The following LPIN1 variants were observed in gnomAD, a reference collection of about 807,000 sequenced individuals.
LPIN1 encodes the protein lipin 1, also known as phosphatidate phosphatase LPIN1.
LPIN1 carries 71 observed loss-of-function variants against 107.5 expected under a neutral mutation model. The observed-to-expected ratio is 0.66, with a 90% CI of 0.55 to 0.80. The LOEUF (loss-of-function observed/expected upper bound fraction) is 0.80, where lower values mean the gene tolerates loss of function less well. LPIN1 is among the 30% of genes least tolerant of loss of function. The pLI is 0.00. For missense variants in LPIN1, 1,043 were observed against 1,160.6 expected (o/e 0.90, Z 1.47); for synonymous variants, 445 against 452.6 (o/e 0.98, Z 0.21).
At chr2:11,809,162 G>T (rs1406080471) in intron 17 of LPIN1, among the ~76,000 whole-genome samples, 3 of 146,816 alleles carry the variant, frequency 2.0e-5, no homozygotes, top group African/African-American at 8.2e-5. Context: ...AGTCAAGAAG[G>T]ACTGTTGCCT....
chr2:11,771,440 G>A lies in LPIN1; in HGVS notation c.357G>A (p.Gln119=). The change falls in exon 4 of 21, where the codon CAG becomes CAA. Residue 119 remains glutamine, a synonymous_variant. Coordinates refer to ENST00000674199, the MANE Select transcript of LPIN1 (RefSeq NM_001349206.2). The surrounding 1 kb of genome is among the most constrained non-coding windows in gnomAD (Gnocchi z 4.8). ...AAGGAGCTTCGAGAATGGAATGCCA[G>A]CTGAAAAGGGGCTCTGTGGACAGGA... is the stretch of plus-strand genomic sequence containing the variant. The part of the protein sequence containing the change: ...LSEGASRMEC[Q]LKRGSVDRMR... 1.2e-6 allele frequency: 2 copies of A among 1,614,242 alleles called. No individual in the cohort carries two copies. The highest frequency in any genetic ancestry group is 1.7e-6 in the Non-Finnish European group (2 of 1,180,038).
At chr2:11,814,753 GA>G (rs1297309523) in intron 17 of LPIN1, among the ~76,000 whole-genome samples, 1 of 152,120 alleles carries the variant, frequency 6.6e-6, no homozygotes, top group Admixed American at 6.5e-5. Flanking sequence ...GGACCAGGGG[GA>G]GTACAAGGGG....
chr2:11,814,511 CATGT>C (rs745419981), intron 17 of LPIN1, among the ~76,000 whole-genome samples: 23 of 94,934 alleles, frequency 2.4e-4, no homozygotes, highest in East Asian at 7.4e-4. Context: ...GGTGTGTGTG[CATGT>C]GTGTGTGTGT....
At chr2:11,687,459 T>G (rs1013436919) in intron 1 of LPIN1, among the ~76,000 whole-genome samples, 4 of 151,738 alleles carry the variant, frequency 2.6e-5, no homozygotes, top group Admixed American at 6.5e-5. Context: ...GGATGTGATA[T>G]CTCCTATAGC....
At chr2:11,696,404 A>G (rs1662580852) in intron 1 of LPIN1, among the ~76,000 whole-genome samples, 1 of 152,086 alleles carries the variant, frequency 6.6e-6, no homozygotes, top group East Asian at 1.9e-4. Flanking sequence ...TTCTCCTGAA[A>G]TACTGGGTCA....
intron 2 of LPIN1, among the ~76,000 whole-genome samples, chr2:11,714,766 CTT>C (rs1458686610): frequency 2.0e-5 from 3 of 152,210 alleles, no homozygotes; most frequent in African/African-American, 4.8e-5. Flanking sequence ...TGGTCCAAGC[CTT>C]GTGGCTACGG....
intron 20 of LPIN1, 120 bp from the exon 21 acceptor site, chr2:11,824,512 C>A: frequency 1.1e-6 from 1 of 879,990 alleles, no homozygotes. Flanking sequence ...TGACTTGAGT[C>A]GTGTCGATAA....
chr2:11,747,120 G>T (rs1193358548), intron 1 of LPIN1, among the ~76,000 whole-genome samples: 1 of 152,238 alleles, frequency 6.6e-6, no homozygotes, highest in Non-Finnish European at 1.5e-5. Flanking sequence ...CCGGAGTTAG[G>T]ATTCCAGCGC....
intron 1 of LPIN1, among the ~76,000 whole-genome samples, chr2:11,752,391 T>C (rs898958033): frequency 5.3e-5 from 8 of 151,648 alleles, no homozygotes; most frequent in Admixed American, 5.2e-4. Flanking sequence ...GTGAACTGTC[T>C]ATATGTTTTG....
intron 1 of LPIN1, among the ~76,000 whole-genome samples, chr2:11,713,358 C>A (rs1663527450): frequency 6.6e-6 from 1 of 152,186 alleles, no homozygotes. Flanking sequence ...GCAACCTCCG[C>A]CCCCAGGGTT....
chr2:11,784,319 A>G (rs1674100976), intron 9 of LPIN1: 2 of 742,814 alleles, frequency 2.7e-6, no homozygotes, highest in Non-Finnish European at 3.5e-6. Flanking sequence ...AAAAAAAAAA[A>G]AAAAAGTGTG....
At chr2:11,725,495 G>A (rs1664544488) in intron 1 of LPIN1, among the ~76,000 whole-genome samples, 2 of 152,166 alleles carry the variant, frequency 1.3e-5, no homozygotes, top group Admixed American at 1.3e-4. Context: ...AGCATGGTTG[G>A]AAGTAGGCGA....
At chr2:11,799,034 T>C (rs1677218018) in intron 14 of LPIN1, among the ~76,000 whole-genome samples, 1 of 152,214 alleles carries the variant, frequency 6.6e-6, no homozygotes, top group African/African-American at 2.4e-5. Flanking sequence ...CAACATTTAA[T>C]GAGCCATTGT....
At chr2:11,758,867 GCTTA>G (rs1343421856) in intron 1 of LPIN1, among the ~76,000 whole-genome samples, 4 of 152,182 alleles carry the variant, frequency 2.6e-5, no homozygotes, top group African/African-American at 9.7e-5. Flanking sequence ...CTGTTTCTGG[GCTTA>G]CTTTTAAAAA....
rs201897285 is a variant in LPIN1, at chr2:11,759,133, TTTTCTTTCTTTCTTTCTTTC to T, written c.-9-6360_-9-6341del. Among the ~76,000 whole-genome samples, 572 of 131,634 alleles carry T rather than the reference TTTTCTTTCTTTCTTTCTTTC, an allele frequency of 4.3e-3. 2 individuals carry two copies. The highest frequency in any genetic ancestry group is 0.015 in the Middle Eastern group (4 of 270). The allele number at this position is 131,634 out of a possible 152,430, so 86.4% of individuals were successfully genotyped here. On this transcript the variant is annotated intron_variant, in intron 1 of 20. Transcript: ENST00000674199. The stretch of plus-strand genomic sequence containing the variant: ...TGAGCTAGCTAGCTTGCTTTCTTTC[TTTTCTTTCTTTCTTTCTTTC>T]TTTCTTTCTTTCTTTCTTTCTTTCT...
chr2:11,789,453 TATGTGTGGATGTGCACGTGTGTGC>T lies in LPIN1; in HGVS notation c.1713+1022_1713+1045del, dbSNP rs1217317111. Reference sequence around the variant, plus strand: ...GTGCGTGTGTGTATGTGCATGTGTATATGTGTGGATGTGCACGTGTGTGCATGTGTGGATGTGCACGTGTGTGCG... The same window carrying T: ...GTGCGTGTGTGTATGTGCATGTGTATATGTGTGGATGTGCACGTGTGTGCG... On this transcript the variant is annotated intron_variant, in intron 12 of 20. Coordinates refer to ENST00000674199, the MANE Select transcript of LPIN1 (RefSeq NM_001349206.2). Among the ~76,000 whole-genome samples, 32 of 151,634 alleles carry T rather than the reference TATGTGTGGATGTGCACGTGTGTGC, an allele frequency of 2.1e-4. 1 individual carries two copies. Among genetic ancestry groups the T allele is most frequent in the East Asian group, 1.7e-3 (9 of 5,164 alleles).
chr2:11,772,008 G>C (rs909023200), intron 4 of LPIN1, among the ~76,000 whole-genome samples: 5 of 152,194 alleles, frequency 3.3e-5, no homozygotes, highest in Non-Finnish European at 5.9e-5. Context: ...CCTGCAACTA[G>C]ACGGTCCCAT....
At chr2:11,797,622 G>A (rs530682305) in intron 14 of LPIN1, among the ~76,000 whole-genome samples, 2 of 152,310 alleles carry the variant, frequency 1.3e-5, no homozygotes, top group African/African-American at 4.8e-5. Flanking sequence ...GGGGCTTGTA[G>A]CCCCTTCGTT....
intron 1 of LPIN1, among the ~76,000 whole-genome samples, chr2:11,727,110 A>C (rs1664743441): frequency 6.6e-6 from 1 of 152,134 alleles, no homozygotes; most frequent in Admixed American, 6.5e-5. Context: ...GACTATGTTA[A>C]TATCCCCTCT....
Sources: gnomAD v4.1 joint callset for allele counts (sites outside exome capture counted in the v4.1 genomes callset) on GRCh38, gnomAD v4.1.1 for gene constraint, Gnocchi (gnomAD v3.1) non-coding constraint, MANE v1.5 for transcripts, NCBI Gene and HGNC (gene_info 2026-07-23, HGNC 2026-07-21) for gene names.